Variants in CDH6 observed in about 807,000 individuals in gnomAD.
The protein encoded by CDH6 is cadherin-6.
In CDH6, 31 loss-of-function variants were observed where a neutral mutation model predicts 78.0. That is an observed-to-expected ratio of 0.40 (90% CI 0.30 to 0.54). The LOEUF (loss-of-function observed/expected upper bound fraction) is 0.54. CDH6 is among the 20% of genes least tolerant of loss of function. The pLI, the probability that CDH6 is intolerant of heterozygous loss-of-function variation, is 0.56. For missense variants in CDH6, 724 were observed against 975.9 expected (o/e 0.74, Z 3.44); for synonymous variants, 376 against 368.8 (o/e 1.02, Z -0.23).
At chr5:31,203,243 T>A (rs1740412763) in intron 1 of CDH6, among the ~76,000 whole-genome samples, 2 of 129,662 alleles carry the variant, frequency 1.5e-5, no homozygotes, top group Admixed American at 7.4e-5. Flanking sequence ...CTTTTTTTTT[T>A]TTATTTATTT....
chr5:31,216,350 G>C (rs543850262), intron 1 of CDH6, among the ~76,000 whole-genome samples: 1 of 151,940 alleles, frequency 6.6e-6, no homozygotes, highest in African/African-American at 2.4e-5. Flanking sequence ...CTTTTGTGTG[G>C]CCTGCAGGCT....
chr5:31,313,730 C>G (rs764772847), intron 8 of CDH6, among the ~76,000 whole-genome samples: 2 of 151,788 alleles, frequency 1.3e-5, no homozygotes, highest in African/African-American at 2.4e-5. Context: ...GGATTTAATT[C>G]CAAAAAAGCT....
chr5:31,257,431 A>G (rs1211180298), intron 1 of CDH6, among the ~76,000 whole-genome samples: 1 of 152,202 alleles, frequency 6.6e-6, no homozygotes, highest in Non-Finnish European at 1.5e-5. Flanking sequence ...CCAAAGTGCT[A>G]GGATTACAGG....
At position 31,228,638 on chromosome 5, in the gene CDH6, G is replaced by C. The variant is rs115782929; in HGVS notation, c.-129+34752G>C. ...GAGGATATGGTTTCAGGATGAAACT[G>C]TCCCACCTCAGATCATCATGCGTTA... On this transcript the variant is annotated intron_variant, in intron 1 of 11. Coordinates refer to ENST00000265071, the MANE Select transcript of CDH6 (RefSeq NM_004932.4). 3.5e-3 allele frequency among the ~76,000 whole-genome samples: 537 copies of C among 152,318 alleles called. 4 individuals carry two copies. Among genetic ancestry groups the C allele is most frequent in the African/African-American group, 0.012 (506 of 41,574 alleles).
chr5:31,208,742 G>A (rs1260336050), intron 1 of CDH6, among the ~76,000 whole-genome samples: 1 of 149,348 alleles, frequency 6.7e-6, no homozygotes, highest in East Asian at 1.9e-4. Flanking sequence ...CCTTATGTAT[G>A]TGTTTCATGA....
At chr5:31,220,555 A>G (rs1025130430) in intron 1 of CDH6, among the ~76,000 whole-genome samples, 1 of 152,200 alleles carries the variant, frequency 6.6e-6, no homozygotes, top group Admixed American at 6.5e-5. Context: ...GGTGAATAAA[A>G]TAGACACAGT....
chr5:31,320,542 A>G (rs934646656), intron 11 of CDH6, among the ~76,000 whole-genome samples: 1 of 152,042 alleles, frequency 6.6e-6, no homozygotes, highest in Non-Finnish European at 1.5e-5. Flanking sequence ...CTTACTTCCA[A>G]CCCTCTGTTT....
intron 3 of CDH6, among the ~76,000 whole-genome samples, chr5:31,296,567 T>A (rs1384279204): frequency 6.6e-6 from 1 of 152,190 alleles, no homozygotes; most frequent in Non-Finnish European, 1.5e-5. Flanking sequence ...CATAACTACA[T>A]TCTTTAAGTT....
At chr5:31,203,253 T>TA (rs1434951131) in intron 1 of CDH6, among the ~76,000 whole-genome samples, 6 of 151,040 alleles carry the variant, frequency 4.0e-5, no homozygotes, top group Non-Finnish European at 1.5e-5. Context: ...TTTATTTATT[T>TA]TTTATTATTA....
At chr5:31,207,938 C>T (rs1395057089) in intron 1 of CDH6, among the ~76,000 whole-genome samples, 1 of 152,050 alleles carries the variant, frequency 6.6e-6, no homozygotes, top group Non-Finnish European at 1.5e-5. Flanking sequence ...ACCAGGCCGT[C>T]GGGGCTACAA....
chr5:31,235,765 A>C (rs966947093), intron 1 of CDH6, among the ~76,000 whole-genome samples: 2 of 152,228 alleles, frequency 1.3e-5, no homozygotes, highest in Non-Finnish European at 2.9e-5. Context: ...CCAAAAACTG[A>C]ATATACTGAA....
At chr5:31,308,673 GA>G (rs1181870527) in intron 7 of CDH6, among the ~76,000 whole-genome samples, 1 of 151,932 alleles carries the variant, frequency 6.6e-6, no homozygotes, top group Non-Finnish European at 1.5e-5. Flanking sequence ...CCAATAAAAG[GA>G]AAAAATACAA....
intron 1 of CDH6, among the ~76,000 whole-genome samples, chr5:31,258,839 G>C (rs1157709698): frequency 6.6e-6 from 1 of 151,996 alleles, no homozygotes; most frequent in African/African-American, 2.4e-5. Flanking sequence ...CAATTCTAAG[G>C]CCACAACTAG....
At chr5:31,245,098 GA>G (rs1414919932) in intron 1 of CDH6, among the ~76,000 whole-genome samples, 1 of 152,220 alleles carries the variant, frequency 6.6e-6, no homozygotes, top group Non-Finnish European at 1.5e-5. Context: ...CCCCAGTGCA[GA>G]CTTCTAGCAG....
At chr5:31,281,788 A>T (rs937289876) in intron 2 of CDH6, among the ~76,000 whole-genome samples, 9 of 152,196 alleles carry the variant, frequency 5.9e-5, no homozygotes, top group African/African-American at 1.9e-4. Context: ...AAATGTTTAT[A>T]ATCAGTGTGG....
intron 1 of CDH6, among the ~76,000 whole-genome samples, chr5:31,221,096 G>T (rs977505127): frequency 1.3e-5 from 2 of 152,140 alleles, no homozygotes; most frequent in African/African-American, 2.4e-5. Context: ...AGCAGAATTC[G>T]ATTTAATAAA....
intron 2 of CDH6, among the ~76,000 whole-genome samples, chr5:31,289,780 T>C (rs1017642641): frequency 2.0e-5 from 3 of 152,190 alleles, no homozygotes; most frequent in Non-Finnish European, 4.4e-5. Flanking sequence ...AAAATCTTTG[T>C]TATGCCTTTG....
At chr5:31,260,832 AC>A (rs1434047514) in intron 1 of CDH6, among the ~76,000 whole-genome samples, 1 of 152,326 alleles carries the variant, frequency 6.6e-6, no homozygotes. Context: ...ATTTTACTCA[AC>A]AGTGACTTTG....
rs373063700 is a variant in CDH6 at position 31,294,275 on chromosome 5, C to A, written c.523+19C>A. ...GATGTCGGTGAGTGAGACGTGACTT[C>A]AGCCAAAAGCTGGCTTTCCCCTAGT... On this transcript the variant is annotated intron_variant, in intron 3 of 11. Coordinates refer to ENST00000265071, the MANE Select transcript of CDH6 (RefSeq NM_004932.4). The surrounding 1 kb of genome is among the most constrained non-coding windows in gnomAD (Gnocchi z 4.1). The A allele has an allele frequency of 4.2e-5, 67 of 1,596,524 alleles. No homozygotes were observed. The South Asian group carries it at 5.1e-4, about 12-fold the overall frequency.
Sources: allele counts gnomAD v4.1 joint callset (sites outside exome capture counted in the v4.1 genomes callset), GRCh38; gene constraint gnomAD v4.1.1; non-coding constraint Gnocchi (gnomAD v3.1); transcripts MANE v1.5; gene names NCBI Gene and HGNC (gene_info 2026-07-23, HGNC 2026-07-21).